Variants in DSTYK observed in about 807,000 individuals in gnomAD.
The protein encoded by DSTYK is dual serine/threonine and tyrosine protein kinase.
A neutral mutation model predicts 98.7 loss-of-function variants in DSTYK; 34 were observed. That is an observed-to-expected ratio of 0.34 (90% CI 0.26 to 0.46). The LOEUF is 0.46. DSTYK is among the 20% of genes least tolerant of loss of function. The pLI is 1.00. For missense variants in DSTYK, 962 were observed against 1,181.7 expected (o/e 0.81, Z 2.73); for synonymous variants, 462 against 457.3 (o/e 1.01, Z -0.13).
chr1:205,153,704 T>TTTG (rs1160075072), intron 10 of DSTYK, among the ~76,000 whole-genome samples: 25 of 74,514 alleles, frequency 3.4e-4, no homozygotes, highest in African/African-American at 5.0e-4. Context: ...AACTTACTTT[T>TTTG]TGTGTGTGTG....
rs780502901 is a variant in DSTYK, at chr1:205,148,375, A to T, written c.2468-36T>A. ...GAAAGGATGAAACGTAATGAGCCAC[A>T]GAGAGTCAGGCAGCAGCATCTACAC... On this transcript the variant is annotated intron_variant, in intron 11 of 12. Transcript: ENST00000367162. 1.3e-5 allele frequency: 21 copies of T among 1,608,620 alleles called. No homozygotes were observed. The South Asian group carries it at 2.0e-4, about 15-fold the overall frequency.
chr1:205,201,526 T>C (rs1006200026), intron 1 of DSTYK, among the ~76,000 whole-genome samples: 5 of 152,012 alleles, frequency 3.3e-5, no homozygotes, highest in Non-Finnish European at 7.4e-5. Context: ...AAAATCCTTA[T>C]GTTCTATGGG....
intron 1 of DSTYK, among the ~76,000 whole-genome samples, chr1:205,204,473 C>CACACACAT (rs879637062): frequency 7.2e-5 from 11 of 151,820 alleles, no homozygotes; most frequent in Non-Finnish European, 1.6e-4. Flanking sequence ...CACACACACA[C>CACACACAT]ACACACACAA....
chr1:205,158,742 C>A (rs1300883741), intron 9 of DSTYK, among the ~76,000 whole-genome samples: 1 of 152,152 alleles, frequency 6.6e-6, no homozygotes, highest in Non-Finnish European at 1.5e-5. Context: ...CCAAATTCTA[C>A]CCATCATGGT....
intron 1 of DSTYK, among the ~76,000 whole-genome samples, chr1:205,197,297 T>C (rs543842207): frequency 3.9e-5 from 6 of 151,986 alleles, no homozygotes; most frequent in Admixed American, 2.6e-4. Context: ...CATACTGGAG[T>C]GTTTAGAGGA....
At chr1:205,189,088 A>T (rs1658637546) in intron 1 of DSTYK, among the ~76,000 whole-genome samples, 2 of 152,128 alleles carry the variant, frequency 1.3e-5, no homozygotes, top group Admixed American at 6.5e-5. Flanking sequence ...GTGTCAATTT[A>T]AAAAATCTGT....
chr1:205,149,832 A>G (rs1318524937), intron 11 of DSTYK, among the ~76,000 whole-genome samples: 1 of 152,186 alleles, frequency 6.6e-6, no homozygotes, highest in Non-Finnish European at 1.5e-5. Flanking sequence ...CTATTCCCCA[A>G]ATGGATTTCT....
Position 205,169,816 on chromosome 1 carries a change from A to G in DSTYK, c.671T>C (p.Val224Ala), listed in dbSNP as rs754365487. The G allele has an allele frequency of 6.2e-7, 1 of 1,611,898 alleles. No individual in the cohort carries two copies. The highest frequency in any genetic ancestry group is 8.5e-7 in the Non-Finnish European group (1 of 1,178,726). Residue 224 changes from valine (V) to alanine (A), a missense_variant, in exon 3 of 13, where the codon GTA (valine) becomes GCA (alanine). This residue lies in a region of DSTYK where 660 missense variants were observed against 855.0 expected (regional missense o/e 0.77). Coordinates refer to ENST00000367162, the MANE Select transcript of DSTYK (RefSeq NM_015375.3). The surrounding 1 kb of genome is among the most constrained non-coding windows in gnomAD (Gnocchi z 4.0). Reference protein sequence around the residue: ...HALLQEVDVVVAPCQGLRPTV... With the variant: ...HALLQEVDVVAAPCQGLRPTV... ...GGGCCGGAGGCCTTGGCATGGTGCTACCACAACGTCCACTTCCTGGAAGGG... is the reference window on the plus strand; with the variant it reads ...GGGCCGGAGGCCTTGGCATGGTGCTGCCACAACGTCCACTTCCTGGAAGGG...
At chr1:205,161,979 TC>T in intron 6 of DSTYK, 56 bp downstream of exon 6, 1 of 1,556,368 alleles carries the variant, frequency 6.4e-7, no homozygotes, top group Non-Finnish European at 8.7e-7. Context: ...AATATTCCCA[TC>T]TGGATGAGGC....
intron 2 of DSTYK, among the ~76,000 whole-genome samples, chr1:205,176,108 T>C (rs550255769): frequency 2.0e-5 from 3 of 152,224 alleles, no homozygotes; most frequent in Non-Finnish European, 4.4e-5. Context: ...ATTTCTCTTG[T>C]AGAACGCATT....
chr1:205,205,526 A>G (rs1659173623), intron 1 of DSTYK, among the ~76,000 whole-genome samples: 2 of 152,038 alleles, frequency 1.3e-5, no homozygotes. Flanking sequence ...GCTCACTGCA[A>G]TCTCTGCCTC....
intron 2 of DSTYK, among the ~76,000 whole-genome samples, chr1:205,184,646 G>T (rs1382489911): frequency 6.6e-6 from 1 of 152,028 alleles, no homozygotes; most frequent in Non-Finnish European, 1.5e-5. Flanking sequence ...TTGAGACAGG[G>T]TCTCATTCTA....
chr1:205,190,902 G>A (rs1423466069), intron 1 of DSTYK, among the ~76,000 whole-genome samples: 1 of 152,186 alleles, frequency 6.6e-6, no homozygotes, highest in East Asian at 1.9e-4. Flanking sequence ...CAGGAGAGTG[G>A]ATAATAGAGA....
At chr1:205,193,870 CAAAAA>C (rs61391440) in intron 1 of DSTYK, among the ~76,000 whole-genome samples, 1 of 98,072 alleles carries the variant, frequency 1.0e-5, no homozygotes, top group African/African-American at 4.1e-5. Context: ...GACTCCGTCT[CAAAAA>C]AAAAAAAAAA....
intron 10 of DSTYK, among the ~76,000 whole-genome samples, chr1:205,153,349 A>G (rs1657457076): frequency 6.6e-6 from 1 of 152,154 alleles, no homozygotes; most frequent in East Asian, 1.9e-4. Context: ...AGGTACACTT[A>G]CCCATCTCAG....
At chr1:205,182,498 TA>T (rs386369411) in intron 2 of DSTYK, among the ~76,000 whole-genome samples, 3,145 of 77,674 alleles carry the variant, frequency 0.04, 51 homozygotes, top group Admixed American at 0.1. Context: ...TTAAAAACGG[TA>T]AAAAAAAAAA....
intron 2 of DSTYK, among the ~76,000 whole-genome samples, chr1:205,184,941 G>A (rs1389700318): frequency 6.6e-6 from 1 of 152,212 alleles, no homozygotes; most frequent in Non-Finnish European, 1.5e-5. Flanking sequence ...GCTCATGCCT[G>A]TAATCCCAGC....
chr1:205,161,896 G>GTA (rs1264807470), intron 6 of DSTYK, 140 bp downstream of exon 6: 9 of 658,676 alleles, frequency 1.4e-5, no homozygotes, highest in East Asian at 8.9e-5. Flanking sequence ...GTGTGTGTGT[G>GTA]TATATATATG....
intron 3 of DSTYK, among the ~76,000 whole-genome samples, chr1:205,168,805 T>C (rs1480147361): frequency 1.3e-5 from 2 of 152,236 alleles, no homozygotes; most frequent in Non-Finnish European, 2.9e-5. Flanking sequence ...TGAGCCATAC[T>C]GCAGGAGCAA....
Sources: gnomAD v4.1 joint callset for allele counts (sites outside exome capture counted in the v4.1 genomes callset) on GRCh38, gnomAD v4.1.1 for gene constraint, gnomAD v4.1.1 regional missense constraint, Gnocchi (gnomAD v3.1) non-coding constraint, MANE v1.5 for transcripts, NCBI Gene and HGNC (gene_info 2026-07-23, HGNC 2026-07-21) for gene names.